Variants in LPP observed in about 807,000 individuals in gnomAD.
The protein encoded by LPP is LIM domain containing preferred translocation partner in lipoma.
A neutral mutation model predicts 60.4 loss-of-function variants in LPP; 38 were observed. The ratio of observed to expected loss-of-function variants is 0.63; its 90% CI spans 0.49 to 0.83. The LOEUF is 0.83. Ranked by LOEUF, LPP falls within the 40% of genes least tolerant of loss-of-function variation. The probability of loss-of-function intolerance (pLI) is 0.00; values close to 1 mark genes in which losing one functional copy is unlikely to be tolerated. For synonymous variants in LPP, 328 were observed against 290.8 expected (o/e 1.13, Z -1.30); for missense variants, 902 against 783.6 (o/e 1.15, Z -1.80).
chr3:188,202,079 C>T (rs926566143), intron 1 of LPP, among the ~76,000 whole-genome samples: 2 of 151,748 alleles, frequency 1.3e-5, no homozygotes, highest in Admixed American at 6.6e-5. Flanking sequence ...ACTAGAGCTA[C>T]TAGATAAAGC....
At chr3:188,754,011 A>G (rs549870326) in intron 8 of LPP, among the ~76,000 whole-genome samples, 35 of 152,370 alleles carry the variant, frequency 2.3e-4, no homozygotes, top group African/African-American at 7.9e-4. Context: ...AGGAGATTGC[A>G]TATTGCTACA....
chr3:188,715,249 G>A (rs1016243885), intron 8 of LPP, among the ~76,000 whole-genome samples: 23 of 151,638 alleles, frequency 1.5e-4, no homozygotes, highest in African/African-American at 4.8e-4. Context: ...ATGGTGGCAC[G>A]CACCTGTAGT....
chr3:188,236,905 T>C (rs1722119473), intron 2 of LPP, among the ~76,000 whole-genome samples: 2 of 152,144 alleles, frequency 1.3e-5, no homozygotes, highest in African/African-American at 4.8e-5. Flanking sequence ...GTTTGCCACA[T>C]TGATTGACTC....
intron 2 of LPP, among the ~76,000 whole-genome samples, chr3:188,325,220 A>G (rs933795948): frequency 2.0e-5 from 3 of 152,024 alleles, no homozygotes; most frequent in Admixed American, 1.3e-4. Context: ...ACCTCAGGTG[A>G]TCCACCCGCC....
chr3:188,780,195 C>T (rs145847604), intron 9 of LPP, among the ~76,000 whole-genome samples: 1 of 152,278 alleles, frequency 6.6e-6, no homozygotes, highest in East Asian at 1.9e-4. Flanking sequence ...ACTTCCCCTT[C>T]TTCCAAACTA....
At chr3:188,327,340 C>G (rs954504517) in intron 2 of LPP, among the ~76,000 whole-genome samples, 1 of 152,070 alleles carries the variant, frequency 6.6e-6, no homozygotes, top group African/African-American at 2.4e-5. Flanking sequence ...TAAGAGATAT[C>G]TTAGTTATAA....
intron 2 of LPP, among the ~76,000 whole-genome samples, chr3:188,263,244 G>A (rs1428992685): frequency 6.6e-6 from 1 of 152,226 alleles, no homozygotes; most frequent in East Asian, 1.9e-4. Flanking sequence ...CAATGACACA[G>A]TGATTTATGA....
chr3:188,725,565 T>C (rs1718076105), intron 8 of LPP: 1 of 152,196 alleles, frequency 6.6e-6, no homozygotes, highest in South Asian at 2.1e-4. Flanking sequence ...CTTATTTTAT[T>C]TGTAAACATG....
intron 2 of LPP, among the ~76,000 whole-genome samples, chr3:188,246,603 G>C (rs1435128221): frequency 2.0e-5 from 3 of 152,082 alleles, no homozygotes; most frequent in Non-Finnish European, 4.4e-5. Flanking sequence ...TTTCTATTCA[G>C]CAACAACATT....
At chr3:188,605,072 C>T (rs1054556550) in intron 6 of LPP, among the ~76,000 whole-genome samples, 5 of 152,158 alleles carry the variant, frequency 3.3e-5, no homozygotes, top group Non-Finnish European at 7.4e-5. Context: ...GGTGGATTTG[C>T]ATCCATCATT....
At chr3:188,419,352 C>A (rs1787164059) in intron 4 of LPP, among the ~76,000 whole-genome samples, 1 of 152,118 alleles carries the variant, frequency 6.6e-6, no homozygotes, top group Non-Finnish European at 1.5e-5. Flanking sequence ...CAATATAAAG[C>A]TTTACTGTAC....
chr3:188,439,980 C>T (rs188729396), intron 4 of LPP, among the ~76,000 whole-genome samples: 7 of 152,328 alleles, frequency 4.6e-5, no homozygotes, highest in Admixed American at 4.6e-4. Context: ...CACCCTCACT[C>T]ATACACATAA....
chr3:188,635,536 G>A (rs1019007824), intron 7 of LPP, among the ~76,000 whole-genome samples: 1 of 152,158 alleles, frequency 6.6e-6, no homozygotes, highest in Admixed American at 6.5e-5. Context: ...GTGTGCAAGG[G>A]AAATACACAC....
chr3:188,521,538 C>G (rs1818873184), intron 5 of LPP, among the ~76,000 whole-genome samples: 1 of 151,956 alleles, frequency 6.6e-6, no homozygotes, highest in Non-Finnish European at 1.5e-5. Flanking sequence ...ACTAATACCC[C>G]AAGGGAACAC....
At chr3:188,263,317 C>G (rs1734338046) in intron 2 of LPP, among the ~76,000 whole-genome samples, 1 of 152,182 alleles carries the variant, frequency 6.6e-6, no homozygotes. Flanking sequence ...AAGCGCTAAT[C>G]CATTCACCAG....
chr3:188,670,497 C>T (rs1432964235), intron 7 of LPP, among the ~76,000 whole-genome samples: 4 of 151,540 alleles, frequency 2.6e-5, no homozygotes, highest in Non-Finnish European at 1.5e-5. Context: ...GTTTTTCCAC[C>T]CTTTTAGTTC....
chr3:188,160,202 G>A (rs754917377), intron 1 of LPP, among the ~76,000 whole-genome samples: 1 of 151,620 alleles, frequency 6.6e-6, no homozygotes, highest in Non-Finnish European at 1.5e-5. Context: ...GAGCCACCAC[G>A]CTCAGCCTTG....
chr3:188,536,237 G>A (rs1310790716), intron 6 of LPP, among the ~76,000 whole-genome samples: 2 of 152,014 alleles, frequency 1.3e-5, no homozygotes, highest in Admixed American at 6.6e-5. Flanking sequence ...TCGAACTCCC[G>A]ACCTCAGGTG....
At chr3:188,799,965 C>T (rs1400272962) in intron 9 of LPP, among the ~76,000 whole-genome samples, 1 of 152,136 alleles carries the variant, frequency 6.6e-6, no homozygotes, top group African/African-American at 2.4e-5. Context: ...TATTATAAAC[C>T]TATATACGTG....
Sources: gnomAD v4.1 joint callset for allele counts (sites outside exome capture counted in the v4.1 genomes callset) on GRCh38, gnomAD v4.1.1 for gene constraint, MANE v1.5 for transcripts, NCBI Gene and HGNC (gene_info 2026-07-23, HGNC 2026-07-21) for gene names.